PRR5L: variants seen among roughly 807,000 people sequenced by gnomAD.
The protein encoded by PRR5L is proline-rich protein 5-like.
PRR5L carries 21 observed loss-of-function variants against 36.4 expected under a neutral mutation model. The observed-to-expected ratio is 0.58, with a 90% CI of 0.41 to 0.83. The LOEUF is 0.83. PRR5L is among the 40% of genes least tolerant of loss of function. The probability of loss-of-function intolerance (pLI) is 0.00; values close to 1 mark genes in which losing one functional copy is unlikely to be tolerated. For missense variants in PRR5L, 381 were observed against 473.3 expected (o/e 0.80, Z 1.81); for synonymous variants, 188 against 197.0 (o/e 0.95, Z 0.38).
chr11:36,302,944 TGA>T (rs1856392653), intron 1 of PRR5L, among the ~76,000 whole-genome samples: 2 of 152,344 alleles, frequency 1.3e-5, no homozygotes, highest in South Asian at 2.1e-4. Context: ...CCTCTATTTA[TGA>T]GAGAAGCCAG....
intron 1 of PRR5L, among the ~76,000 whole-genome samples, chr11:36,378,134 C>T (rs1190683591): frequency 6.6e-6 from 1 of 152,152 alleles, no homozygotes; most frequent in Non-Finnish European, 1.5e-5. Flanking sequence ...AAGTGCTGAG[C>T]TGTGGTAAAT....
intron 1 of PRR5L, among the ~76,000 whole-genome samples, chr11:36,328,429 T>A (rs868759838): frequency 8.5e-5 from 13 of 152,138 alleles, no homozygotes; most frequent in Admixed American, 2.0e-4. Context: ...AAGATTTGGT[T>A]GTTTAAAAGT....
chr11:36,428,175 G>A (rs1858421539), intron 4 of PRR5L, among the ~76,000 whole-genome samples: 1 of 152,192 alleles, frequency 6.6e-6, no homozygotes, highest in Non-Finnish European at 1.5e-5. Context: ...ATTGGTGGTG[G>A]AGCCCAGGCA....
chr11:36,396,371 G>A (rs1857660280), intron 1 of PRR5L, among the ~76,000 whole-genome samples: 3 of 152,226 alleles, frequency 2.0e-5, no homozygotes, highest in South Asian at 4.1e-4. Context: ...CAGAGATGTA[G>A]GGTCAGTAAA....
chr11:36,340,152 C>A (rs1432162733), intron 1 of PRR5L, among the ~76,000 whole-genome samples: 7 of 152,202 alleles, frequency 4.6e-5, no homozygotes, highest in African/African-American at 7.2e-5. Flanking sequence ...CTGGGCTCAC[C>A]AATCTGTGTG....
chr11:36,307,230 A>T (rs912097572), intron 1 of PRR5L, among the ~76,000 whole-genome samples: 6 of 152,138 alleles, frequency 3.9e-5, no homozygotes, highest in African/African-American at 1.4e-4. Flanking sequence ...AAGTTTGCAA[A>T]TGCTTCATAT....
At position 36,413,959 on chromosome 11, in the gene PRR5L, G is replaced by A. The variant is rs866878135; in HGVS notation, c.246-5296G>A. On this transcript the variant is annotated intron_variant, in intron 3 of 8. Coordinates refer to ENST00000530639, the MANE Select transcript of PRR5L (RefSeq NM_001160167.2). ...TTCCCACCTATGAGTGAGAACATGC[G>A]GTGTTTGGTTTTTTGTCCTTGTGAT... Among the ~76,000 whole-genome samples the A allele has an allele frequency of 6.2e-5, 9 of 145,884 alleles. No individual in the cohort carries two copies. The South Asian group carries it at 1.3e-3, about 21-fold the overall frequency.
chr11:36,303,381 A>G (rs1162936332), intron 1 of PRR5L, among the ~76,000 whole-genome samples: 1 of 152,138 alleles, frequency 6.6e-6, no homozygotes, highest in Non-Finnish European at 1.5e-5. Flanking sequence ...AGAGTAAGAG[A>G]ATGTGGAGAT....
chr11:36,455,968 A>G (rs925986072), intron 8 of PRR5L, among the ~76,000 whole-genome samples: 1 of 152,186 alleles, frequency 6.6e-6, no homozygotes, highest in Non-Finnish European at 1.5e-5. Flanking sequence ...TTCCACCCAG[A>G]AAGTAGAAGG....
At chr11:36,305,932 G>C (rs1322368514) in intron 1 of PRR5L, among the ~76,000 whole-genome samples, 1 of 152,188 alleles carries the variant, frequency 6.6e-6, no homozygotes, top group Non-Finnish European at 1.5e-5. Flanking sequence ...GTAAAGTAAG[G>C]TTGCTGTGAG....
intron 8 of PRR5L, among the ~76,000 whole-genome samples, chr11:36,456,911 T>C (rs1728446191): frequency 6.6e-6 from 1 of 152,246 alleles, no homozygotes; most frequent in Admixed American, 6.5e-5. Context: ...GCATTTTGCA[T>C]GTACAGGTAG....
rs764767297 is a variant in PRR5L, at chr11:36,446,332, G to C, written c.477G>C (p.Leu159=). The C allele has an allele frequency of 3.1e-6, 5 of 1,613,930 alleles. No homozygotes were observed. In the African/African-American group the frequency reaches 6.7e-5, roughly 22 times the overall value. ...GQELTIRQIS[L]LGFRDLVLLK... is the part of the protein sequence containing the mutation. Reference sequence around the variant, plus strand: ...AGCTGACTATCCGCCAGATCTCCCTGCTGGGCTTCCGAGACCTAGTCTTGC... The same window carrying C: ...AGCTGACTATCCGCCAGATCTCCCTCCTGGGCTTCCGAGACCTAGTCTTGC... Residue 159 remains leucine (L), a synonymous_variant, in exon 7 of 9, where the codon CTG becomes CTC. Transcript: ENST00000530639.
At chr11:36,435,221 G>GC (rs1858580414) in intron 5 of PRR5L, among the ~76,000 whole-genome samples, 1 of 152,044 alleles carries the variant, frequency 6.6e-6, no homozygotes, top group South Asian at 2.1e-4. Context: ...CAGTGAAACA[G>GC]CATAGCCTAT....
chr11:36,456,924 G>A (rs1859070121), intron 8 of PRR5L, among the ~76,000 whole-genome samples: 1 of 152,230 alleles, frequency 6.6e-6, no homozygotes, highest in African/African-American at 2.4e-5. Flanking sequence ...ACAGGTAGTA[G>A]TGTTTGTTGA....
chr11:36,352,463 A>G (rs1466960586), intron 1 of PRR5L, among the ~76,000 whole-genome samples: 6 of 152,076 alleles, frequency 3.9e-5, no homozygotes, highest in Non-Finnish European at 8.8e-5. Flanking sequence ...CCATCTATTT[A>G]TCTTTGAAAT....
At chr11:36,460,867 C>G (rs576476854) in intron 8 of PRR5L, among the ~76,000 whole-genome samples, 1 of 152,380 alleles carries the variant, frequency 6.6e-6, no homozygotes, top group Admixed American at 6.5e-5. Flanking sequence ...CCTGATGGTG[C>G]ACCTGTCTCA....
chr11:36,357,888 C>T (rs1030682601), intron 1 of PRR5L, among the ~76,000 whole-genome samples: 3 of 152,164 alleles, frequency 2.0e-5, no homozygotes, highest in African/African-American at 2.4e-5. Flanking sequence ...TTAAGAAATA[C>T]GTTTTGTAAG....
At chr11:36,363,165 C>T (rs1446584726) in intron 1 of PRR5L, among the ~76,000 whole-genome samples, 1 of 151,298 alleles carries the variant, frequency 6.6e-6, no homozygotes, top group Non-Finnish European at 1.5e-5. Context: ...GAAAGAGTGG[C>T]CGGGAATGAG....
chr11:36,351,588 TATATATTTATATAA>T lies in PRR5L; in HGVS notation c.-125-49402_-125-49389del, dbSNP rs1469417245. On this transcript the variant is annotated intron_variant, in intron 1 of 8. Transcript: ENST00000530639. ...TTATATATTTATATAAATATATATT[TATATATTTATATAA>T]ATATATATTTATATATTTATATATT... Among the ~76,000 whole-genome samples, 5 of 13,438 alleles carry T rather than the reference TATATATTTATATAA, an allele frequency of 3.7e-4. 2 individuals carry two copies. The highest frequency in any genetic ancestry group is 3.6e-4 in the Non-Finnish European group (3 of 8,360). The allele number at this position is 13,438 out of a possible 152,430, so 8.8% of individuals were successfully genotyped here.
Sources: gnomAD v4.1 joint callset for allele counts (sites outside exome capture counted in the v4.1 genomes callset) on GRCh38, gnomAD v4.1.1 for gene constraint, MANE v1.5 for transcripts, NCBI Gene and HGNC (gene_info 2026-07-23, HGNC 2026-07-21) for gene names.